The following NID1 variants were observed in gnomAD, a reference collection of about 807,000 sequenced individuals.
NID1 encodes nidogen-1.
NID1 carries 76 observed loss-of-function variants against 130.6 expected under a neutral mutation model. That is an observed-to-expected ratio of 0.58 (90% confidence interval 0.48 to 0.70). The LOEUF (loss-of-function observed/expected upper bound fraction) is 0.70. NID1 is among the 30% of genes least tolerant of loss of function. The pLI, the probability that NID1 is intolerant of heterozygous loss-of-function variation, is 0.00. For missense variants in NID1, 1,517 were observed against 1,664.8 expected, an observed-to-expected ratio of 0.91 and a Z score of 1.54; for synonymous variants, 665 against 675.1, an observed-to-expected ratio of 0.98 and a Z score of 0.23.
chr1:236,048,860 T>G lies in NID1; in HGVS notation c.355A>C (p.Lys119Gln), dbSNP rs371348422. 4.3e-6 allele frequency: 7 copies of G among 1,613,998 alleles called. No homozygotes were observed. The highest frequency in any genetic ancestry group is 1.7e-5 in the Admixed American group (1 of 59,990). Reference protein sequence around the residue: ...ADLDTTDGLGKVYYREDLSPS... With the variant: ...ADLDTTDGLGQVYYREDLSPS... ...GATAAGTCTTCTCGATAATAAACCT[T>G]CCCCAGGCCATCGGTCGTGTCCAAG... Residue 119 changes from lysine to glutamine, a missense_variant, in exon 2 of 20, where the codon AAG becomes CAG. Lys to Gln is a moderately conservative substitution (Grantham distance 53). Coordinates refer to ENST00000264187, the MANE Select transcript of NID1 (RefSeq NM_002508.3).
chr1:236,053,598 C>T (rs1358457835), intron 1 of NID1, among the ~76,000 whole-genome samples: 1 of 152,166 alleles, frequency 6.6e-6, no homozygotes, highest in African/African-American at 2.4e-5. Flanking sequence ...TTCCCTCACA[C>T]CCCCAGCCCC....
intron 9 of NID1, among the ~76,000 whole-genome samples, chr1:236,020,052 A>AC (rs1207093807): frequency 7.3e-6 from 1 of 137,032 alleles, no homozygotes. Context: ...AAAAAAAAAA[A>AC]AAAAAACAAA....
At chr1:235,985,655 AGTT>A (rs1657553428) in intron 14 of NID1, 150 bp from the exon 15 acceptor site, 1 of 886,090 alleles carries the variant, frequency 1.1e-6, no homozygotes, top group Non-Finnish European at 1.7e-6. Context: ...GAGTTGTAGG[AGTT>A]GTTCGTATAT....
At chr1:236,017,008 G>T in intron 10 of NID1, 140 bp downstream of exon 10, 1 of 1,075,502 alleles carries the variant, frequency 9.3e-7, no homozygotes, top group Non-Finnish European at 1.4e-6. Context: ...CAGAGGCTAA[G>T]TCTGATTCAT....
In NID1 at chr1:236,020,169, A is replaced by G. The variant is rs76127858; in HGVS notation, c.2129-2896T>C. Reference sequence around the variant, plus strand: ...CATAACATACCACAGTATCTGCTAGAAAATGATTATTCTTATTATTTAACA... The same window carrying G: ...CATAACATACCACAGTATCTGCTAGGAAATGATTATTCTTATTATTTAACA... On this transcript the variant is annotated intron_variant, in intron 9 of 19. Transcript: ENST00000264187. 7.7e-3 allele frequency among the ~76,000 whole-genome samples: 1,179 copies of G among 152,312 alleles called. 9 individuals are homozygous for G. Among genetic ancestry groups the G allele is most frequent in the Middle Eastern group, 0.017 (5 of 294 alleles).
chr1:236,011,720 T>C (rs1467699584), intron 12 of NID1, among the ~76,000 whole-genome samples: 1 of 152,192 alleles, frequency 6.6e-6, no homozygotes, highest in Non-Finnish European at 1.5e-5. Context: ...CCCAGGGCCA[T>C]GTGCTCTGGA....
At chr1:236,060,408 T>C (rs1207414514) in intron 1 of NID1, among the ~76,000 whole-genome samples, 3 of 152,190 alleles carry the variant, frequency 2.0e-5, no homozygotes, top group African/African-American at 7.2e-5. Context: ...TCATGACCTG[T>C]ATCTTGTGCT....
intron 8 of NID1, among the ~76,000 whole-genome samples, chr1:236,024,942 A>C (rs995859003): frequency 1.3e-5 from 2 of 149,168 alleles, no homozygotes; most frequent in Admixed American, 6.7e-5. Flanking sequence ...GGCACTAACC[A>C]CACAATTTCT....
At chr1:236,011,306 CT>C (rs60420534) in intron 12 of NID1, among the ~76,000 whole-genome samples, 4,046 of 100,032 alleles carry the variant, frequency 0.04, 74 homozygotes, top group African/African-American at 0.077. Flanking sequence ...CTTTTTTTTT[CT>C]TTTTTTTTTT....
At chr1:236,025,653 T>A (rs538354044) in intron 8 of NID1, among the ~76,000 whole-genome samples, 19 of 152,340 alleles carry the variant, frequency 1.2e-4, no homozygotes, top group Non-Finnish European at 2.6e-4. Flanking sequence ...GTAAGGCACC[T>A]CAACAGGTTA....
At chr1:236,039,893 T>A (rs1052150881) in intron 4 of NID1, among the ~76,000 whole-genome samples, 1 of 152,300 alleles carries the variant, frequency 6.6e-6, no homozygotes. Context: ...ATGGCCTGTG[T>A]ACATGTGAAC....
chr1:236,043,073 G>A (rs1420115249), intron 3 of NID1, among the ~76,000 whole-genome samples: 3 of 152,158 alleles, frequency 2.0e-5, no homozygotes, highest in Non-Finnish European at 2.9e-5. Flanking sequence ...GAAGGCTGGT[G>A]TACTCAGAGA....
At chr1:236,030,939 G>T (rs1336982502) in intron 6 of NID1, among the ~76,000 whole-genome samples, 3 of 152,144 alleles carry the variant, frequency 2.0e-5, no homozygotes, top group Non-Finnish European at 4.4e-5. Context: ...GGGAAGGAGT[G>T]GGGTCTGTGA....
intron 14 of NID1, among the ~76,000 whole-genome samples, chr1:235,990,441 T>C (rs1046242497): frequency 6.6e-6 from 1 of 152,220 alleles, no homozygotes; most frequent in Non-Finnish European, 1.5e-5. Flanking sequence ...CCAGCAATTC[T>C]GACTCAGCCT....
At chr1:236,039,602 T>A (rs1255702815) in intron 4 of NID1, among the ~76,000 whole-genome samples, 1 of 152,204 alleles carries the variant, frequency 6.6e-6, no homozygotes, top group Non-Finnish European at 1.5e-5. Flanking sequence ...GCTCATTATA[T>A]TTAATAATCC....
At chr1:236,008,262 A>G (rs1027618852) in intron 12 of NID1, among the ~76,000 whole-genome samples, 1 of 152,222 alleles carries the variant, frequency 6.6e-6, no homozygotes, top group African/African-American at 2.4e-5. Flanking sequence ...GAAGACAAAG[A>G]GGAACAAATC....
chr1:236,006,312 T>A (rs895282102), intron 12 of NID1, among the ~76,000 whole-genome samples: 1 of 152,180 alleles, frequency 6.6e-6, no homozygotes, highest in Non-Finnish European at 1.5e-5. Context: ...GTCTAGGCAG[T>A]AATCATCAAT....
At chr1:236,016,649 G>A (rs981890398) in intron 10 of NID1, among the ~76,000 whole-genome samples, 10 of 152,034 alleles carry the variant, frequency 6.6e-5, no homozygotes, top group Non-Finnish European at 1.0e-4. Flanking sequence ...ACTTCTATAA[G>A]GCTAAGAAAT....
chr1:236,049,052 G>A (rs532328553), intron 1 of NID1, 63 bp from the exon 2 acceptor site: 3 of 1,515,104 alleles, frequency 2.0e-6, no homozygotes, highest in Non-Finnish European at 2.7e-6. Context: ...GTAAGACTGA[G>A]CACCCACTCC....
Sources: gnomAD v4.1 joint callset for allele counts (sites outside exome capture counted in the v4.1 genomes callset) on GRCh38, gnomAD v4.1.1 for gene constraint, MANE v1.5 for transcripts, NCBI Gene and HGNC (gene_info 2026-07-23, HGNC 2026-07-21) for gene names.